Variants in FBXL13 observed in about 807,000 individuals in gnomAD.
FBXL13 encodes the protein F-box and leucine rich repeat protein 13, also known as F-box and leucine-rich repeat protein 13.
FBXL13 carries 67 observed loss-of-function variants against 83.6 expected under a neutral mutation model. The ratio of observed to expected loss-of-function variants is 0.80; its 90% CI spans 0.66 to 0.98. The LOEUF (loss-of-function observed/expected upper bound fraction) is 0.98. Among genes scored for constraint, FBXL13 ranks in the 50% least tolerant of loss-of-function variants. The probability of loss-of-function intolerance (pLI) is 0.00; values close to 1 mark genes in which losing one functional copy is unlikely to be tolerated. For synonymous variants in FBXL13, 272 were observed against 299.5 expected, an observed-to-expected ratio of 0.91 and a Z score of 0.95; for missense variants, 822 against 866.5, an observed-to-expected ratio of 0.95 and a Z score of 0.64.
chr7:102,897,363 TA>T (rs1812386030), intron 11 of FBXL13, among the ~76,000 whole-genome samples: 1 of 151,792 alleles, frequency 6.6e-6, no homozygotes, highest in Non-Finnish European at 1.5e-5. Context: ...CAAATACTAT[TA>T]AAAGTAGGAA....
At chr7:102,869,245 C>T (rs1808187478) in intron 16 of FBXL13, among the ~76,000 whole-genome samples, 1 of 152,150 alleles carries the variant, frequency 6.6e-6, no homozygotes, top group African/African-American at 2.4e-5. Context: ...TTGAGTATTT[C>T]TTCATGTACT....
At chr7:103,035,083 G>A (rs1223658998) in intron 2 of FBXL13, among the ~76,000 whole-genome samples, 4 of 152,206 alleles carry the variant, frequency 2.6e-5, no homozygotes, top group Admixed American at 2.6e-4. Flanking sequence ...ACGGCATCTT[G>A]TGAAAAGTGT....
chr7:102,947,609 A>G (rs1209486646), intron 8 of FBXL13, among the ~76,000 whole-genome samples: 1 of 152,062 alleles, frequency 6.6e-6, no homozygotes, highest in Non-Finnish European at 1.5e-5. Flanking sequence ...CTCTTCCACC[A>G]ATTTCTTACT....
At chr7:103,056,323 G>A (rs1439448236) in intron 1 of FBXL13, among the ~76,000 whole-genome samples, 1 of 152,142 alleles carries the variant, frequency 6.6e-6, no homozygotes, top group Non-Finnish European at 1.5e-5. Context: ...TGCTGTTATA[G>A]ATGTGTGTGC....
In FBXL13 at chr7:103,040,844, T is replaced by C. The variant is rs534139525; in HGVS notation, c.1-11426A>G. On this transcript the variant is annotated intron_variant, in intron 2 of 19. Transcript: ENST00000313221. The stretch of plus-strand genomic sequence containing the variant: ...ATTTAAAGAAGTGTGTAGAGGGAAA[T>C]TGATAGCACTAAATGCCCACAAGAG... Among the ~76,000 whole-genome samples the C allele has an allele frequency of 3.5e-4, 53 of 152,206 alleles. 1 individual carries two copies. The South Asian group carries it at 9.1e-3, about 26-fold the overall frequency.
chr7:103,021,421 G>A (rs991085985), intron 6 of FBXL13, among the ~76,000 whole-genome samples: 2 of 152,128 alleles, frequency 1.3e-5, no homozygotes, highest in African/African-American at 4.8e-5. Flanking sequence ...ACATAGGCAT[G>A]GGCAAGGACT....
chr7:103,068,980 A>G (rs1585652292), intron 1 of FBXL13, among the ~76,000 whole-genome samples: 2 of 151,850 alleles, frequency 1.3e-5, no homozygotes, highest in Admixed American at 1.3e-4. Context: ...AGTAAGGAGC[A>G]CCTCTGCCCA....
chr7:102,918,742 T>C (rs1816398114), intron 10 of FBXL13, among the ~76,000 whole-genome samples: 2 of 152,144 alleles, frequency 1.3e-5, no homozygotes, highest in Non-Finnish European at 2.9e-5. Flanking sequence ...GTAGCCTGGG[T>C]GAAAGAGCAA....
chr7:102,994,761 T>C (rs1463549567), intron 6 of FBXL13, among the ~76,000 whole-genome samples: 1 of 152,222 alleles, frequency 6.6e-6, no homozygotes, highest in African/African-American at 2.4e-5. Flanking sequence ...GATTGGTCAA[T>C]GCTGCTGGCT....
chr7:102,930,937 T>G (rs1316839154), intron 9 of FBXL13, among the ~76,000 whole-genome samples: 4 of 152,176 alleles, frequency 2.6e-5, no homozygotes, highest in African/African-American at 9.7e-5. Context: ...TGTTGTGCTA[T>G]GACTACCACA....
intron 8 of FBXL13, among the ~76,000 whole-genome samples, chr7:102,940,399 A>T (rs890162309): frequency 8.6e-5 from 13 of 150,458 alleles, no homozygotes; most frequent in African/African-American, 2.9e-4. Context: ...TTTAGCAGAG[A>T]CAGGGTTTCA....
chr7:103,017,487 C>A (rs1359662503), intron 6 of FBXL13, among the ~76,000 whole-genome samples: 3 of 152,154 alleles, frequency 2.0e-5, no homozygotes, highest in East Asian at 3.8e-4. Flanking sequence ...ATGACTTTGA[C>A]AAGTTGAGAG....
chr7:102,842,863 T>G (rs1040263506), intron 17 of FBXL13, among the ~76,000 whole-genome samples: 1 of 152,220 alleles, frequency 6.6e-6, no homozygotes, highest in Non-Finnish European at 1.5e-5. Flanking sequence ...AGACTATGCC[T>G]GGAGCCACTC....
chr7:102,931,865 G>T lies in FBXL13; in HGVS notation c.777+16C>A, dbSNP rs374980962. The T allele has an allele frequency of 8.7e-6, 14 of 1,609,546 alleles. No individual in the cohort carries two copies. The South Asian group carries it at 1.4e-4, about 17-fold the overall frequency. On this transcript the variant is annotated intron_variant, in intron 9 of 19. Transcript: ENST00000313221. ...AATCTATATAAACAGCAGTAAAAAT[G>T]GTTGCTTATACTCACTGTGAATGTT...
chr7:102,925,940 CAAAA>C (rs66682276), intron 10 of FBXL13, among the ~76,000 whole-genome samples: 2 of 101,014 alleles, frequency 2.0e-5, no homozygotes, highest in Admixed American at 9.9e-5. Context: ...GACTCTGTCT[CAAAA>C]AAAAAAAAAA....
intron 6 of FBXL13, among the ~76,000 whole-genome samples, chr7:102,996,665 AT>A (rs920817095): frequency 2.4e-4 from 37 of 152,294 alleles, no homozygotes; most frequent in African/African-American, 6.5e-4. Context: ...GACTGTGGGA[AT>A]TTGGGGAAAC....
At chr7:102,903,939 C>CTTTTCTTTTTTTTTTTT (rs1321420603) in intron 11 of FBXL13, among the ~76,000 whole-genome samples, 20 of 43,448 alleles carry the variant, frequency 4.6e-4, no homozygotes, top group African/African-American at 7.2e-4. Flanking sequence ...CTTTTCTTTT[C>CTTTTCTTTTTTTTTTTT]TTTTTTTTTT....
intron 2 of FBXL13, chr7:103,030,009 T>A: frequency 6.6e-6 from 1 of 152,300 alleles, no homozygotes; most frequent in Middle Eastern, 3.4e-3. Flanking sequence ...AGTAAAGATA[T>A]TATTATATTA....
chr7:102,846,493 C>T (rs888022520), intron 17 of FBXL13, among the ~76,000 whole-genome samples: 1 of 151,744 alleles, frequency 6.6e-6, no homozygotes, highest in African/African-American at 2.4e-5. Flanking sequence ...ATGGCACATG[C>T]CTGTAATCCC....
Sources: gnomAD v4.1 joint callset for allele counts (sites outside exome capture counted in the v4.1 genomes callset) on GRCh38, gnomAD v4.1.1 for gene constraint, MANE v1.5 for transcripts, NCBI Gene and HGNC (gene_info 2026-07-23, HGNC 2026-07-21) for gene names.